The following IQCM variants were observed in gnomAD, a reference collection of about 807,000 sequenced individuals.
IQCM encodes the protein IQ domain-containing protein M.
In IQCM, 45 loss-of-function variants were observed where a neutral mutation model predicts 57.6. The ratio of observed to expected loss-of-function variants is 0.78; its 90% confidence interval spans 0.62 to 1.00. The LOEUF (loss-of-function observed/expected upper bound fraction) is 1.00, where lower values mean the gene tolerates loss of function less well. IQCM is among the 50% of genes least tolerant of loss of function. The probability of loss-of-function intolerance (pLI) is 0.00; values close to 1 mark genes in which losing one functional copy is unlikely to be tolerated. For missense variants in IQCM, 468 were observed against 511.6 expected (o/e 0.91, Z 0.82); for synonymous variants, 148 against 158.9 (o/e 0.93, Z 0.51).
At chr4:149,766,442 T>G (rs1393528190) in intron 2 of IQCM, among the ~76,000 whole-genome samples, 1 of 152,078 alleles carries the variant, frequency 6.6e-6, no homozygotes, top group Non-Finnish European at 1.5e-5. Flanking sequence ...AATAGAGACT[T>G]GTCGTTTCAG....
At chr4:149,591,446 T>C (rs991090937) in intron 8 of IQCM, among the ~76,000 whole-genome samples, 5 of 151,700 alleles carry the variant, frequency 3.3e-5, no homozygotes, top group Non-Finnish European at 7.4e-5. Context: ...CATCCAAATG[T>C]GGTTAAAGGT....
At chr4:149,535,068 C>G (rs1406147102) in intron 12 of IQCM, among the ~76,000 whole-genome samples, 1 of 151,980 alleles carries the variant, frequency 6.6e-6, no homozygotes, top group Non-Finnish European at 1.5e-5. Flanking sequence ...TTCAGAAAAG[C>G]TAGAAAAATG....
chr4:149,554,316 C>T (rs937973343), intron 10 of IQCM, among the ~76,000 whole-genome samples: 2 of 152,136 alleles, frequency 1.3e-5, no homozygotes, highest in African/African-American at 4.8e-5. Context: ...TAATTGTACT[C>T]TACATTCCTT....
intron 5 of IQCM, among the ~76,000 whole-genome samples, chr4:149,688,729 C>T (rs983757920): frequency 6.6e-6 from 1 of 152,038 alleles, no homozygotes; most frequent in East Asian, 1.9e-4. Flanking sequence ...GTCACCAAAA[C>T]GGCATGGTAC....
chr4:149,754,523 A>C (rs1768780996), intron 2 of IQCM, among the ~76,000 whole-genome samples: 1 of 152,206 alleles, frequency 6.6e-6, no homozygotes, highest in Admixed American at 6.5e-5. Context: ...TCATGCTGTT[A>C]AATCTAATTG....
At chr4:149,443,301 A>C (rs894632090) in intron 12 of IQCM, among the ~76,000 whole-genome samples, 1 of 152,076 alleles carries the variant, frequency 6.6e-6, no homozygotes. Context: ...TGATTGAATA[A>C]CTGGAAATCA....
At chr4:149,449,119 C>A (rs1200604080) in intron 12 of IQCM, among the ~76,000 whole-genome samples, 2 of 150,576 alleles carry the variant, frequency 1.3e-5, no homozygotes, top group Non-Finnish European at 3.0e-5. Context: ...TAAAATAGAT[C>A]ATGGACTTGA....
At chr4:149,433,767 T>A (rs960892266) in intron 12 of IQCM, among the ~76,000 whole-genome samples, 19 of 152,098 alleles carry the variant, frequency 1.2e-4, no homozygotes, top group African/African-American at 4.6e-4. Context: ...ACTAATACCG[T>A]CTTAAACCAC....
At chr4:149,677,942 A>T (rs576259674) in intron 7 of IQCM, among the ~76,000 whole-genome samples, 2 of 152,042 alleles carry the variant, frequency 1.3e-5, no homozygotes, top group Non-Finnish European at 2.9e-5. Flanking sequence ...AGAGCAAAGA[A>T]TTAGTGAGCT....
chr4:149,527,731 C>A (rs367669862), intron 12 of IQCM, among the ~76,000 whole-genome samples: 3 of 152,144 alleles, frequency 2.0e-5, no homozygotes, highest in South Asian at 2.1e-4. Flanking sequence ...GTGGTGGAAC[C>A]AAAATTAAAA....
At chr4:149,463,278 G>A (rs1738502651) in intron 12 of IQCM, among the ~76,000 whole-genome samples, 1 of 152,140 alleles carries the variant, frequency 6.6e-6, no homozygotes, top group South Asian at 2.1e-4. Flanking sequence ...GCTTACTGCT[G>A]CTATTAACCA....
chr4:149,493,003 A>G (rs1211168360), intron 12 of IQCM, among the ~76,000 whole-genome samples: 18 of 152,046 alleles, frequency 1.2e-4, no homozygotes, highest in Non-Finnish European at 2.9e-5. Context: ...AGCACTGCCA[A>G]AATAAACTAC....
intron 2 of IQCM, among the ~76,000 whole-genome samples, chr4:149,779,539 G>T (rs1771407637): frequency 6.6e-6 from 1 of 151,994 alleles, no homozygotes; most frequent in Non-Finnish European, 1.5e-5. Context: ...AGAACAAATG[G>T]ATATCTGTAG....
intron 2 of IQCM, among the ~76,000 whole-genome samples, chr4:149,774,856 A>T (rs919230790): frequency 1.3e-5 from 2 of 151,922 alleles, no homozygotes; most frequent in Non-Finnish European, 2.9e-5. Context: ...ATAAAAGAGA[A>T]GATAGAAAAA....
intron 5 of IQCM, among the ~76,000 whole-genome samples, chr4:149,729,228 T>C (rs1395689858): frequency 6.6e-6 from 1 of 152,204 alleles, no homozygotes; most frequent in African/African-American, 2.4e-5. Flanking sequence ...CTGAGAAGCC[T>C]TTTACTTGCT....
chr4:149,752,925 C>A lies in IQCM; in HGVS notation c.-48-10186G>T, dbSNP rs185928252. 1.6e-4 allele frequency among the ~76,000 whole-genome samples: 24 copies of A among 152,258 alleles called. 1 individual carries two copies. Among genetic ancestry groups the A allele is most frequent in the Middle Eastern group, 3.4e-3 (1 of 294 alleles). Reference sequence around the variant, plus strand: ...GAGACAGACATGTCTTACCACCACGCCCTAGCCACACCAACACTGACTCAG... The same window carrying A: ...GAGACAGACATGTCTTACCACCACGACCTAGCCACACCAACACTGACTCAG... On this transcript the variant is annotated intron_variant, in intron 2 of 13. Coordinates refer to ENST00000636793, the MANE Select transcript of IQCM (RefSeq NM_001363507.2).
At chr4:149,403,864 T>C (rs1182850006) in intron 13 of IQCM, among the ~76,000 whole-genome samples, 1 of 151,970 alleles carries the variant, frequency 6.6e-6, no homozygotes, top group Non-Finnish European at 1.5e-5. Flanking sequence ...AATTAAACAT[T>C]TTCAATTTTT....
intron 12 of IQCM, among the ~76,000 whole-genome samples, chr4:149,501,524 T>C (rs1452943425): frequency 6.6e-6 from 1 of 151,974 alleles, no homozygotes; most frequent in Non-Finnish European, 1.5e-5. Context: ...AGATTCCTAC[T>C]GAAATGAGCC....
chr4:149,357,180 G>A (rs1238143155), intron 13 of IQCM, among the ~76,000 whole-genome samples: 1 of 152,170 alleles, frequency 6.6e-6, no homozygotes. Flanking sequence ...ATACAATCAT[G>A]TCATCTGCAA....
Sources: allele counts gnomAD v4.1 joint callset (sites outside exome capture counted in the v4.1 genomes callset), GRCh38; gene constraint gnomAD v4.1.1; transcripts MANE v1.5; gene names NCBI Gene and HGNC (gene_info 2026-07-23, HGNC 2026-07-21).